Variants in CCDC122 observed in about 807,000 individuals in gnomAD.
The protein encoded by CCDC122 is coiled-coil domain-containing protein 122.
In CCDC122, 38 loss-of-function variants were observed where a neutral mutation model predicts 37.0. The ratio of observed to expected loss-of-function variants is 1.03; its 90% CI spans 0.79 to 1.35. The LOEUF (loss-of-function observed/expected upper bound fraction) is 1.35, where lower values mean the gene tolerates loss of function less well. Ranked by LOEUF, CCDC122 falls within the 40% of genes most tolerant of loss-of-function variation. The probability of loss-of-function intolerance (pLI) is 0.00; values close to 1 mark genes in which losing one functional copy is unlikely to be tolerated. For synonymous variants in CCDC122, 83 were observed against 95.6 expected (o/e 0.87, Z 0.77); for missense variants, 305 against 310.0 (o/e 0.98, Z 0.12).
chr13:43,835,048 T>C (rs1290093292), downstream of CCDC122, among the ~76,000 whole-genome samples: 3 of 151,920 alleles, frequency 2.0e-5, no homozygotes, highest in Non-Finnish European at 4.4e-5. Context: ...TAGCAAAGAC[T>C]TGGAACCAAC....
downstream of CCDC122, among the ~76,000 whole-genome samples, chr13:43,831,993 C>G (rs1338413996): frequency 6.6e-6 from 1 of 151,894 alleles, no homozygotes; most frequent in Non-Finnish European, 1.5e-5. Context: ...TTGAATAGAT[C>G]TATTTTTCTA....
At chr13:43,873,008 C>A (rs1293184089) in intron 2 of CCDC122, among the ~76,000 whole-genome samples, 1 of 152,148 alleles carries the variant, frequency 6.6e-6, no homozygotes, top group African/African-American at 2.4e-5. Context: ...TGAACAAGTT[C>A]CGTCTTCATT....
intron 3 of CCDC122, among the ~76,000 whole-genome samples, chr13:43,830,650 A>T (rs1953081129): frequency 6.6e-6 from 1 of 152,248 alleles, no homozygotes; most frequent in Admixed American, 6.5e-5. Flanking sequence ...CAAAGCAGTG[A>T]CTGTGTCTGT....
chr13:43,829,814 G>A (rs1240176859), intron 3 of CCDC122, among the ~76,000 whole-genome samples: 4 of 152,160 alleles, frequency 2.6e-5, no homozygotes, highest in Non-Finnish European at 5.9e-5. Context: ...AAAAAATTGT[G>A]TGACCTCAAC....
intron 4 of CCDC122, 65 bp downstream of exon 4, chr13:43,868,629 T>C: frequency 1.3e-6 from 1 of 791,102 alleles, no homozygotes; most frequent in Admixed American, 3.2e-5. Context: ...GTATTTTTAA[T>C]AATCTCCTGG....
intron 6 of CCDC122, among the ~76,000 whole-genome samples, chr13:43,851,522 C>G (rs1305051594): frequency 2.0e-5 from 3 of 152,296 alleles, no homozygotes; most frequent in East Asian, 1.9e-4. Flanking sequence ...CCTGTCTCCC[C>G]CTAACTACAC....
intron 6 of CCDC122, among the ~76,000 whole-genome samples, chr13:43,838,817 G>A (rs185740900): frequency 2.5e-4 from 38 of 152,342 alleles, no homozygotes; most frequent in Admixed American, 2.5e-3. Flanking sequence ...CATGTGCCGG[G>A]TGGAGCACAG....
chr13:43,868,241 G>A (rs183451158), intron 4 of CCDC122, among the ~76,000 whole-genome samples: 1 of 152,120 alleles, frequency 6.6e-6, no homozygotes, highest in African/African-American at 2.4e-5. Flanking sequence ...TGCATGCGAA[G>A]ACCAAGTATG....
intron 6 of CCDC122, among the ~76,000 whole-genome samples, chr13:43,840,266 A>G (rs1437810883): frequency 6.6e-6 from 1 of 152,174 alleles, no homozygotes; most frequent in African/African-American, 2.4e-5. Context: ...ACAGTAAAAC[A>G]CCTACTTTTA....
chr13:43,865,821 A>G (rs140798970), intron 4 of CCDC122, among the ~76,000 whole-genome samples: 1 of 152,250 alleles, frequency 6.6e-6, no homozygotes, highest in East Asian at 1.9e-4. Flanking sequence ...CTTACCATAG[A>G]TCTTAGCAAC....
intron 4 of CCDC122, among the ~76,000 whole-genome samples, chr13:43,864,886 T>G (rs1954223373): frequency 6.6e-6 from 1 of 152,136 alleles, no homozygotes; most frequent in Non-Finnish European, 1.5e-5. Flanking sequence ...GACTGAAACT[T>G]TTAGCCCCAT....
At chr13:43,853,929 A>G (rs1358614972) in intron 6 of CCDC122, among the ~76,000 whole-genome samples, 3 of 152,198 alleles carry the variant, frequency 2.0e-5, no homozygotes, top group Admixed American at 2.0e-4. Context: ...AGAAATCAAG[A>G]AGTTATTTGA....
chr13:43,853,938 G>A (rs1594835455), intron 6 of CCDC122: 1 of 152,182 alleles, frequency 6.6e-6, no homozygotes, highest in African/African-American at 2.4e-5. Flanking sequence ...GAAGTTATTT[G>A]AAACTAATGA....
At chr13:43,869,142 T>C (rs1786439534) in intron 3 of CCDC122, among the ~76,000 whole-genome samples, 189 bp downstream of exon 3, 1 of 152,010 alleles carries the variant, frequency 6.6e-6, no homozygotes, top group South Asian at 2.1e-4. Context: ...AGTTGATGCA[T>C]TTTCATTGTA....
At chr13:43,865,578 G>C (rs1954251199) in intron 4 of CCDC122, among the ~76,000 whole-genome samples, 3 of 152,064 alleles carry the variant, frequency 2.0e-5, no homozygotes, top group African/African-American at 7.2e-5. Flanking sequence ...TAAAAGTTAT[G>C]TGAATGTGGT....
At chr13:43,820,694 T>C (rs1952986945), downstream of CCDC122, among the ~76,000 whole-genome samples, 1 of 152,226 alleles carries the variant, frequency 6.6e-6, no homozygotes, top group Non-Finnish European at 1.5e-5. Flanking sequence ...CTCTCTTCTA[T>C]GAACCATGTT....
intron 6 of CCDC122, among the ~76,000 whole-genome samples, chr13:43,847,663 T>C (rs1953588569): frequency 6.6e-6 from 1 of 152,240 alleles, no homozygotes; most frequent in African/African-American, 2.4e-5. Flanking sequence ...TGGACATTTC[T>C]TCTTATACTT....
intron 6 of CCDC122, among the ~76,000 whole-genome samples, chr13:43,848,233 C>G (rs970356662): frequency 5.3e-5 from 8 of 152,212 alleles, no homozygotes; most frequent in African/African-American, 1.9e-4. Flanking sequence ...AAAGTGTACA[C>G]AATTTTCCCA....
intron 6 of CCDC122, among the ~76,000 whole-genome samples, chr13:43,845,150 C>A (rs1213037257): frequency 6.6e-6 from 1 of 151,982 alleles, no homozygotes; most frequent in Non-Finnish European, 1.5e-5. Flanking sequence ...ATTTTTTAAG[C>A]TGCTCTAGGA....
Sources: gnomAD v4.1 joint callset for allele counts (sites outside exome capture counted in the v4.1 genomes callset) on GRCh38, gnomAD v4.1.1 for gene constraint, MANE v1.5 for transcripts, NCBI Gene and HGNC (gene_info 2026-07-23, HGNC 2026-07-21) for gene names.